CFAP47: variants seen among roughly 807,000 people sequenced by gnomAD.
CFAP47 encodes cilia- and flagella-associated protein 47.
A neutral mutation model predicts 148.1 loss-of-function variants in CFAP47; 29 were observed. That is an observed-to-expected ratio of 0.20 (90% CI 0.15 to 0.27). The LOEUF is 0.27. Ranked by LOEUF, CFAP47 falls within the 10% of genes least tolerant of loss-of-function variation. The pLI is 1.00. For synonymous variants in CFAP47, 664 were observed against 577.3 expected (o/e 1.15, Z -2.15); for missense variants, 1,872 against 1,697.5 (o/e 1.10, Z -1.81).
rs1939080732 is a variant in CFAP47, at chrX:36,138,332, T to G, written c.5419-16T>G. ...TTATTCCATTACCAAAAGGTTTGAT[T>G]TTTTTTTTTTTACAGATTGAGTCTC... On this transcript the variant is annotated splice_polypyrimidine_tract_variant and intron_variant, in intron 34 of 63. Coordinates refer to ENST00000378653, the MANE Select transcript of CFAP47 (RefSeq NM_001304548.2). The G allele has an allele frequency of 1.0e-6, 1 of 970,869 alleles. No homozygotes were observed. Among genetic ancestry groups the G allele is most frequent in the African/African-American group, 3.7e-5 (1 of 26,710 alleles). The allele number at this position is 970,869 out of a possible 1,213,427, so 80.0% of individuals were successfully genotyped here. A position where few individuals can be genotyped will look rare whatever the true frequency, so the allele number is the denominator to read the frequency against.
At chrX:36,131,838 C>T (rs1376942765) in intron 33 of CFAP47, among the ~76,000 whole-genome samples, 1 of 110,529 alleles carries the variant, frequency 9.0e-6, no homozygotes, top group Non-Finnish European at 1.9e-5. Context: ...CATTTATGTC[C>T]ATGGTATGAG....
rs187055462 is a variant in CFAP47, at chrX:36,025,062, A to G, written c.3557-6191A>G. ...TGCAAAAAAAATTCATCCCGTAAGT[A>G]TCTCTTCTAGGTGACCTAAACGTCA... is the stretch of plus-strand genomic sequence containing the variant. On this transcript the variant is annotated intron_variant, in intron 22 of 63. Coordinates refer to ENST00000378653, the MANE Select transcript of CFAP47 (RefSeq NM_001304548.2). Among the ~76,000 whole-genome samples the G allele has an allele frequency of 5.4e-3, 601 of 111,618 alleles. 6 individuals are homozygous for G. The highest frequency in any genetic ancestry group is 0.019 in the African/African-American group (575 of 30,738).
intron 26 of CFAP47, among the ~76,000 whole-genome samples, chrX:36,057,226 G>A (rs984497236): frequency 6.3e-5 from 7 of 111,758 alleles, no homozygotes; most frequent in Admixed American, 9.6e-5. Context: ...TAGACATAAT[G>A]AGTAAGATAT....
At chrX:36,264,433 C>T (rs782792632) in intron 49 of CFAP47, among the ~76,000 whole-genome samples, 1 of 112,131 alleles carries the variant, frequency 8.9e-6, no homozygotes, top group South Asian at 3.7e-4. Flanking sequence ...AAGTTCAGAC[C>T]ACTGGGATTG....
chrX:36,259,701 T>C (rs73629597), intron 49 of CFAP47, among the ~76,000 whole-genome samples: 1,274 of 111,352 alleles, frequency 0.011, 25 homozygotes, highest in African/African-American at 0.039. Flanking sequence ...TTATTAATTT[T>C]TTTTTTGCCT....
In CFAP47 at chrX:36,104,508, C is replaced by T. The variant is rs140770251; in HGVS notation, c.5137C>T (p.Leu1713=). 377 of 845,889 alleles carry T rather than the reference C, an allele frequency of 4.5e-4. 1 individual carries two copies. Among genetic ancestry groups the T allele is most frequent in the Non-Finnish European group, 5.7e-4 (356 of 628,232 alleles). The allele number at this position is 845,889 out of a possible 1,213,427, so 69.7% of individuals were successfully genotyped here. Residue 1713 remains leucine, a synonymous_variant, in exon 33 of 64, where the codon CTA becomes TTA. Transcript: ENST00000378653. ...VFLQIYKVLV[L]SRVVPYCSNN... ...TCTCTCCCAATTTCAGGTTTTGGTT[C>T]TATCCCGTGTAGTGCCATACTGCAG...
intron 33 of CFAP47, among the ~76,000 whole-genome samples, chrX:36,123,288 G>T (rs10218074): frequency 0.098 from 10,912 of 111,677 alleles, 1,034 homozygotes; most frequent in African/African-American, 0.3. Context: ...CCACTCCCTA[G>T]CTACTGCTTG....
intron 62 of CFAP47, among the ~76,000 whole-genome samples, chrX:36,371,910 GTGTGTATATA>G (rs1235161429): frequency 2.3e-4 from 17 of 75,525 alleles, no homozygotes; most frequent in African/African-American, 7.3e-4. Context: ...GTGTATATAT[GTGTGTATATA>G]TGTGTATATA....
Position 36,038,986 on chromosome X carries a change from C to T in CFAP47, c.3814C>T (p.Arg1272Cys), listed in dbSNP as rs1232607688. 17 of 1,003,519 alleles carry T rather than the reference C, an allele frequency of 1.7e-5. No individual in the cohort carries two copies. The highest frequency in any genetic ancestry group is 4.0e-5 in the African/African-American group (2 of 50,080). The allele number at this position is 1,003,519 out of a possible 1,213,427, so 82.7% of individuals were successfully genotyped here. A position where few individuals can be genotyped will look rare whatever the true frequency, so the allele number is the denominator to read the frequency against. Residue 1272 changes from arginine (R) to cysteine (C), a missense_variant and splice_region_variant, in exon 25 of 64, where the codon CGT (arginine) becomes TGT (cysteine). Arg to Cys is a radical substitution (Grantham distance 180). Transcript: ENST00000378653. ...YNVSISFCPN[R>C]PGTYTADIPM... ...CCTTAAAATTTGTTTTTCATTAGAT[C>T]GTCCTGGGACATACACAGCAGATAT... is the stretch of plus-strand genomic sequence containing the variant.
chrX:36,184,655 T>G (rs1939786114), intron 40 of CFAP47, among the ~76,000 whole-genome samples: 1 of 112,205 alleles, frequency 8.9e-6, no homozygotes, highest in Admixed American at 9.4e-5. Flanking sequence ...AATAAAAGAC[T>G]GGTTGCAGTG....
intron 42 of CFAP47, among the ~76,000 whole-genome samples, chrX:36,199,134 G>A (rs893966141): frequency 1.8e-5 from 2 of 111,663 alleles, no homozygotes; most frequent in African/African-American, 3.2e-5. Flanking sequence ...CTGTCACTTC[G>A]TTTTAAGATT....
In CFAP47 at chrX:36,077,790, G is replaced by T. The variant is rs949288854; in HGVS notation, c.4691+4426G>T. 1.5e-4 allele frequency among the ~76,000 whole-genome samples: 17 copies of T among 111,141 alleles called. 1 individual carries two copies. The Admixed American group carries it at 1.5e-3, about 10-fold the overall frequency. On this transcript the variant is annotated intron_variant, in intron 29 of 63. Transcript: ENST00000378653. The stretch of plus-strand genomic sequence containing the variant: ...ACCTGTAATTCCAGCACTTTGGGAG[G>T]CTGAGGTGGGTGGATTGCTGGAGGT...
chrX:36,145,109 G>GTA, intron 35 of CFAP47, 110 bp from the exon 36 acceptor site: 1 of 302,873 alleles, frequency 3.3e-6, no homozygotes, highest in Non-Finnish European at 5.7e-6. Context: ...GTGTGTGTGT[G>GTA]TATGTGTGTG....
chrX:36,017,062 A>G (rs145858070), intron 22 of CFAP47, among the ~76,000 whole-genome samples: 7 of 111,102 alleles, frequency 6.3e-5, no homozygotes, highest in Non-Finnish European at 1.3e-4. Flanking sequence ...TATTCTGGTT[A>G]TTAACCCATT....
rs201452327 is a variant in CFAP47 at position 35,949,140 on chromosome X, A to AGTGTGTGTGTGTGT, written c.656+709_656+722dup. Among the ~76,000 whole-genome samples the AGTGTGTGTGTGTGT allele has an allele frequency of 3.4e-3, 295 of 86,967 alleles. 3 individuals are homozygous for AGTGTGTGTGTGTGT. Among genetic ancestry groups the AGTGTGTGTGTGTGT allele is most frequent in the African/African-American group, 7.7e-3 (189 of 24,631 alleles). 75.5% of individuals were successfully genotyped at this position (86,967 alleles called of 115,157 possible). A position where few individuals can be genotyped will look rare whatever the true frequency, so the allele number is the denominator to read the frequency against. ...TAAAAATATCAGAATGCATCTGTGG[A>AGTGTGTGTGTGTGT]GTGTGTGTGTGTGTGTGTGTGTGTG... On this transcript the variant is annotated intron_variant, in intron 4 of 63. Transcript: ENST00000378653.
At chrX:36,058,686 C>T (rs1237154492) in intron 26 of CFAP47, among the ~76,000 whole-genome samples, 1 of 111,720 alleles carries the variant, frequency 9.0e-6, no homozygotes, top group East Asian at 2.8e-4. Flanking sequence ...GTATTTTATG[C>T]TGTGTTGAAT....
intron 37 of CFAP47, among the ~76,000 whole-genome samples, chrX:36,153,006 A>G (rs1939326988): frequency 9.0e-6 from 1 of 111,031 alleles, no homozygotes; most frequent in Non-Finnish European, 1.9e-5. Context: ...TTCAACGTCA[A>G]CTCAAAAGTC....
At chrX:36,102,332 C>T (rs1054830261) in intron 32 of CFAP47, among the ~76,000 whole-genome samples, 1 of 111,513 alleles carries the variant, frequency 9.0e-6, no homozygotes, top group Non-Finnish European at 1.9e-5. Flanking sequence ...AATAGTAACA[C>T]TTATTGCCCC....
chrX:36,303,214 T>A (rs1602099632), intron 53 of CFAP47, among the ~76,000 whole-genome samples: 2 of 111,685 alleles, frequency 1.8e-5, no homozygotes, highest in Admixed American at 1.9e-4. Flanking sequence ...AGAGACAGGG[T>A]CTTGCTCTGT....
Sources: gnomAD v4.1 joint callset for allele counts (sites outside exome capture counted in the v4.1 genomes callset) on GRCh38, gnomAD v4.1.1 for gene constraint, MANE v1.5 for transcripts, NCBI Gene and HGNC (gene_info 2026-07-23, HGNC 2026-07-21) for gene names.